RBFOX1: variants seen among roughly 807,000 people sequenced by gnomAD.
RBFOX1 encodes RNA binding fox-1 homolog 1, also known as RNA binding protein fox-1 homolog 1.
In RBFOX1, 8 loss-of-function variants were observed where a neutral mutation model predicts 57.7. The ratio of observed to expected loss-of-function variants is 0.14; its 90% CI spans 0.08 to 0.25. RBFOX1 has a LOEUF of 0.25. Among genes scored for constraint, RBFOX1 ranks in the 10% least tolerant of loss-of-function variants. The probability of loss-of-function intolerance (pLI) is 1.00; values close to 1 mark genes in which losing one functional copy is unlikely to be tolerated. For missense variants in RBFOX1, 611 were observed against 548.5 expected (o/e 1.11, Z -1.14); for synonymous variants, 326 against 222.4 (o/e 1.47, Z -4.15).
chr16:6,510,323 T>G (rs778940243), intron 2 of RBFOX1, among the ~76,000 whole-genome samples: 8 of 152,176 alleles, frequency 5.3e-5, no homozygotes, highest in Non-Finnish European at 1.2e-4. Flanking sequence ...TTTTGAGATT[T>G]GAACTGCTTT....
intron 1 of RBFOX1, among the ~76,000 whole-genome samples, chr16:5,422,115 A>G (rs2067347513): frequency 6.6e-6 from 1 of 152,152 alleles, no homozygotes; most frequent in Admixed American, 6.5e-5. Flanking sequence ...CATGCGAATA[A>G]AAGTACTAGT....
chr16:7,625,441 C>T (rs904538455), intron 10 of RBFOX1, among the ~76,000 whole-genome samples: 1 of 152,142 alleles, frequency 6.6e-6, no homozygotes, highest in African/African-American at 2.4e-5. Flanking sequence ...TTCTTAATAA[C>T]TCCTGTATTA....
At position 5,316,057 on chromosome 16, in the gene RBFOX1, C is replaced by A. The variant is rs77111390; in HGVS notation, c.219+75952C>A. Among the ~76,000 whole-genome samples, 312 of 152,338 alleles carry A rather than the reference C, an allele frequency of 2.0e-3. 1 individual carries two copies. Among genetic ancestry groups the A allele is most frequent in the Non-Finnish European group, 3.9e-3 (262 of 68,024 alleles). Reference sequence around the variant, plus strand: ...TACTCCTCTCCTTGCTGTCTCTGCTCTCAGCCATACATTGGCTGCTTTTCC... The same window carrying A: ...TACTCCTCTCCTTGCTGTCTCTGCTATCAGCCATACATTGGCTGCTTTTCC... On this transcript the variant is annotated intron_variant, in intron 1 of 2. Coordinates refer to the RBFOX1 transcript ENST00000585867.
At chr16:5,709,395 C>G (rs2051369367) in intron 3 of RBFOX1, among the ~76,000 whole-genome samples, 1 of 152,098 alleles carries the variant, frequency 6.6e-6, no homozygotes, top group Non-Finnish European at 1.5e-5. Flanking sequence ...ATGAACCCAC[C>G]TGGCTTAGAC....
At chr16:7,600,849 C>G (rs533046254) in intron 9 of RBFOX1, among the ~76,000 whole-genome samples, 6 of 152,044 alleles carry the variant, frequency 3.9e-5, no homozygotes, top group African/African-American at 1.5e-4. Flanking sequence ...ATACTATTCT[C>G]AGGATATTTA....
At chr16:5,292,550 A>C (rs1234219400) in intron 1 of RBFOX1, among the ~76,000 whole-genome samples, 1 of 152,204 alleles carries the variant, frequency 6.6e-6, no homozygotes, top group Non-Finnish European at 1.5e-5. Context: ...ATAGGCACTC[A>C]TGCACCGTCA....
At chr16:5,258,788 C>T (rs1202475180) in intron 1 of RBFOX1, among the ~76,000 whole-genome samples, 4 of 152,040 alleles carry the variant, frequency 2.6e-5, no homozygotes, top group East Asian at 1.9e-4. Flanking sequence ...TGGTGGCAGG[C>T]GCCTATAGTC....
intron 3 of RBFOX1, among the ~76,000 whole-genome samples, chr16:6,739,612 C>A (rs1427970489): frequency 6.6e-6 from 1 of 151,986 alleles, no homozygotes. Context: ...TGGGGTGGCT[C>A]ATGCCTGTAA....
chr16:5,636,238 C>A (rs1289715776), intron 3 of RBFOX1, among the ~76,000 whole-genome samples: 1 of 152,166 alleles, frequency 6.6e-6, no homozygotes, highest in African/African-American at 2.4e-5. Context: ...GTCCCAGCTA[C>A]TCTGGAGGCC....
intron 3 of RBFOX1, among the ~76,000 whole-genome samples, chr16:6,976,099 C>G (rs1422129575): frequency 6.6e-6 from 1 of 151,972 alleles, no homozygotes; most frequent in African/African-American, 2.4e-5. Flanking sequence ...TGCAGTTCAG[C>G]CTGGGCGACA....
At chr16:7,034,434 C>T (rs533538971) in intron 3 of RBFOX1, among the ~76,000 whole-genome samples, 2 of 152,158 alleles carry the variant, frequency 1.3e-5, no homozygotes, top group South Asian at 4.2e-4. Context: ...AGAGTCGCTG[C>T]CCTCTGCTTC....
intron 1 of RBFOX1, among the ~76,000 whole-genome samples, chr16:5,414,421 A>C (rs1451585773): frequency 6.6e-6 from 1 of 152,176 alleles, no homozygotes; most frequent in Non-Finnish European, 1.5e-5. Flanking sequence ...ATTAGTTGTC[A>C]CTTTATGAGA....
At chr16:7,360,167 T>A (rs1450922946) in intron 4 of RBFOX1, among the ~76,000 whole-genome samples, 1 of 152,240 alleles carries the variant, frequency 6.6e-6, no homozygotes, top group Non-Finnish European at 1.5e-5. Context: ...TTTAATACGC[T>A]ACATGCATTC....
intron 2 of RBFOX1, among the ~76,000 whole-genome samples, chr16:6,509,177 A>C (rs1268807655): frequency 6.6e-6 from 1 of 152,198 alleles, no homozygotes; most frequent in Non-Finnish European, 1.5e-5. Context: ...CTTCCAGTAA[A>C]ATCCCATTAT....
intron 2 of RBFOX1, among the ~76,000 whole-genome samples, chr16:6,341,814 T>C (rs1472998184): frequency 6.6e-6 from 1 of 152,202 alleles, no homozygotes; most frequent in African/African-American, 2.4e-5. Context: ...CCCTGAATTC[T>C]TTCTTACACA....
chr16:6,783,766 C>G (rs911647366), intron 3 of RBFOX1, among the ~76,000 whole-genome samples: 2 of 152,094 alleles, frequency 1.3e-5, no homozygotes, highest in Non-Finnish European at 2.9e-5. Flanking sequence ...TTTCTTGCTG[C>G]ACATTTGTAC....
intron 4 of RBFOX1, among the ~76,000 whole-genome samples, chr16:5,872,565 T>C (rs2057500252): frequency 1.3e-5 from 2 of 151,566 alleles, no homozygotes; most frequent in Non-Finnish European, 2.9e-5. Flanking sequence ...AAGAACCGAA[T>C]CTCTACAGAA....
intron 4 of RBFOX1, among the ~76,000 whole-genome samples, chr16:7,443,878 G>A (rs947422999): frequency 1.3e-5 from 2 of 152,126 alleles, no homozygotes; most frequent in African/African-American, 2.4e-5. Flanking sequence ...AATTTTGGGC[G>A]TCTGAACTTC....
intron 5 of RBFOX1, among the ~76,000 whole-genome samples, chr16:7,547,832 G>T (rs79405026): frequency 6.6e-6 from 1 of 152,216 alleles, no homozygotes; most frequent in African/African-American, 2.4e-5. Context: ...AATGAACATG[G>T]AGGTTGTGTG....
Sources: allele counts gnomAD v4.1 joint callset (sites outside exome capture counted in the v4.1 genomes callset), GRCh38; gene constraint gnomAD v4.1.1; transcripts MANE v1.5; gene names NCBI Gene and HGNC (gene_info 2026-07-23, HGNC 2026-07-21).